The following PIP4K2A variants were observed in gnomAD, a reference collection of about 807,000 sequenced individuals.
The protein encoded by PIP4K2A is phosphatidylinositol-5-phosphate 4-kinase type 2 alpha.
PIP4K2A carries 14 observed loss-of-function variants against 42.9 expected under a neutral mutation model. That is an observed-to-expected ratio of 0.33 (90% CI 0.22 to 0.51). The LOEUF is 0.51. Ranked by LOEUF, PIP4K2A falls within the 20% of genes least tolerant of loss-of-function variation. PIP4K2A has a pLI of 0.97. For missense variants in PIP4K2A, 434 were observed against 519.8 expected, an observed-to-expected ratio of 0.83 and a Z score of 1.61; for synonymous variants, 192 against 192.2, an observed-to-expected ratio of 1.00 and a Z score of 0.01.
rs1839116388 is a variant in PIP4K2A at position 22,657,109 on chromosome 10, C to T, written c.145-47392G>A. Among the ~76,000 whole-genome samples, 3 of 152,200 alleles carry T rather than the reference C, an allele frequency of 2.0e-5. 1 individual carries two copies. In the East Asian group the frequency reaches 5.8e-4, roughly 29 times the overall value. The stretch of plus-strand genomic sequence containing the variant: ...ATTTTATTTTGCTTTATATCTGCCC[C>T]AACATCTAATACTGTGATTGATATA... On this transcript the variant is annotated intron_variant, in intron 1 of 9. Coordinates refer to ENST00000376573, the MANE Select transcript of PIP4K2A (RefSeq NM_005028.5).
At chr10:22,661,901 T>A (rs1035349301) in intron 1 of PIP4K2A, 9 of 152,126 alleles carry the variant, frequency 5.9e-5, no homozygotes, top group African/African-American at 2.2e-4. Flanking sequence ...CAAGTCTCAG[T>A]AGGGAAAGCA....
At chr10:22,610,758 G>C (rs1488425711) in intron 1 of PIP4K2A, among the ~76,000 whole-genome samples, 2 of 152,178 alleles carry the variant, frequency 1.3e-5, no homozygotes, top group Non-Finnish European at 2.9e-5. Flanking sequence ...CCAAACGAAA[G>C]CTGGGAGCTC....
chr10:22,647,539 T>C (rs917181170), intron 1 of PIP4K2A, among the ~76,000 whole-genome samples: 1 of 152,104 alleles, frequency 6.6e-6, no homozygotes, highest in African/African-American at 2.4e-5. Flanking sequence ...TCATGAGATC[T>C]ACACAACATG....
At chr10:22,559,449 C>T (rs1767075449) in intron 6 of PIP4K2A, among the ~76,000 whole-genome samples, 1 of 152,180 alleles carries the variant, frequency 6.6e-6, no homozygotes, top group Admixed American at 6.5e-5. Context: ...AGCCATAAGT[C>T]ATAAAGCCTT....
chr10:22,604,297 T>C (rs1473708236), intron 3 of PIP4K2A, among the ~76,000 whole-genome samples: 1 of 152,072 alleles, frequency 6.6e-6, no homozygotes, highest in Non-Finnish European at 1.5e-5. Flanking sequence ...ACTGCATAGG[T>C]TACTACTTAA....
At chr10:22,661,038 G>T (rs763397170) in intron 1 of PIP4K2A, among the ~76,000 whole-genome samples, 3 of 152,208 alleles carry the variant, frequency 2.0e-5, no homozygotes, top group Non-Finnish European at 4.4e-5. Context: ...GAGTTATACA[G>T]AATCTCTCCA....
At chr10:22,623,438 G>A (rs889361671) in intron 1 of PIP4K2A, among the ~76,000 whole-genome samples, 12 of 152,168 alleles carry the variant, frequency 7.9e-5, no homozygotes, top group Admixed American at 5.2e-4. Flanking sequence ...CCACAAGGGC[G>A]GTGTGCTCCT....
intron 1 of PIP4K2A, among the ~76,000 whole-genome samples, chr10:22,647,663 C>A (rs1838911440): frequency 6.6e-6 from 1 of 152,220 alleles, no homozygotes; most frequent in Non-Finnish European, 1.5e-5. Flanking sequence ...TCAGCTATCA[C>A]ATCTTTGTTC....
At chr10:22,583,450 C>T (rs1239211877) in intron 4 of PIP4K2A, among the ~76,000 whole-genome samples, 2 of 152,086 alleles carry the variant, frequency 1.3e-5, no homozygotes, top group Non-Finnish European at 2.9e-5. Context: ...CAGGTGTGCC[C>T]AGGGAGCATG....
At chr10:22,691,163 T>C (rs527257755) in intron 1 of PIP4K2A, among the ~76,000 whole-genome samples, 1 of 152,242 alleles carries the variant, frequency 6.6e-6, no homozygotes, top group African/African-American at 2.4e-5. Flanking sequence ...GCAGCCTATT[T>C]GACACAAATG....
chr10:22,664,130 CATATATATAT>C (rs1386533355), intron 1 of PIP4K2A, among the ~76,000 whole-genome samples: 109 of 40,104 alleles, frequency 2.7e-3, no homozygotes, highest in Non-Finnish European at 3.1e-3. Flanking sequence ...TATATATATA[CATATATATAT>C]ACATATATAT....
chr10:22,587,940 G>A (rs1837436061), intron 4 of PIP4K2A, among the ~76,000 whole-genome samples: 1 of 152,236 alleles, frequency 6.6e-6, no homozygotes, highest in African/African-American at 2.4e-5. Context: ...TGCCCTCAGT[G>A]AGCCTAGCAG....
chr10:22,601,149 AAAAAAAAAAAAAAAC>A (rs1158873201), intron 3 of PIP4K2A, among the ~76,000 whole-genome samples: 17 of 139,684 alleles, frequency 1.2e-4, no homozygotes, highest in East Asian at 4.1e-4. Context: ...AAAAAAAAAA[AAAAAAAAAAAAAAAC>A]AAACCAGGAA....
chr10:22,709,446 A>AC (rs763336276), intron 1 of PIP4K2A, among the ~76,000 whole-genome samples: 1 of 152,204 alleles, frequency 6.6e-6, no homozygotes, highest in Non-Finnish European at 1.5e-5. Flanking sequence ...GCCAAATTGC[A>AC]CCAATTCCCT....
intron 1 of PIP4K2A, among the ~76,000 whole-genome samples, chr10:22,705,816 C>T (rs1236003308): frequency 2.6e-5 from 4 of 151,802 alleles, no homozygotes; most frequent in African/African-American, 7.3e-5. Flanking sequence ...GCTGCATATG[C>T]CTTTCCCCAT....
intron 6 of PIP4K2A, among the ~76,000 whole-genome samples, chr10:22,558,202 G>A (rs1048805809): frequency 2.6e-5 from 4 of 152,174 alleles, no homozygotes; most frequent in African/African-American, 9.7e-5. Context: ...AGAACTGCTT[G>A]TGTTCCTGAT....
At chr10:22,647,736 C>T (rs563713882) in intron 1 of PIP4K2A, among the ~76,000 whole-genome samples, 2 of 152,304 alleles carry the variant, frequency 1.3e-5, no homozygotes, top group African/African-American at 2.4e-5. Context: ...ACTTTCTTCA[C>T]ATCAGGTCCA....
intron 7 of PIP4K2A, 107 bp from the exon 8 acceptor site, chr10:22,542,154 G>C (rs560832423): frequency 2.1e-6 from 2 of 942,180 alleles, no homozygotes; most frequent in East Asian, 4.9e-5. Flanking sequence ...GTGGGGTGGG[G>C]CAGCAGAGGC....
chr10:22,630,940 A>G (rs1217629873), intron 1 of PIP4K2A, among the ~76,000 whole-genome samples: 1 of 152,156 alleles, frequency 6.6e-6, no homozygotes, highest in African/African-American at 2.4e-5. Context: ...TTCTTACAAG[A>G]CTAAATACTA....
Sources: allele counts gnomAD v4.1 joint callset (sites outside exome capture counted in the v4.1 genomes callset), GRCh38; gene constraint gnomAD v4.1.1; transcripts MANE v1.5; gene names NCBI Gene and HGNC (gene_info 2026-07-23, HGNC 2026-07-21).